The following MSI2 variants were observed in gnomAD, a reference collection of about 807,000 sequenced individuals.
The protein encoded by MSI2 is musashi RNA binding protein 2.
A neutral mutation model predicts 45.6 loss-of-function variants in MSI2; 17 were observed. The ratio of observed to expected loss-of-function variants is 0.37; its 90% CI spans 0.26 to 0.56. MSI2 has a LOEUF of 0.56. Ranked by LOEUF, MSI2 falls within the 20% of genes least tolerant of loss-of-function variation. The pLI is 0.77. For synonymous variants in MSI2, 156 were observed against 158.2 expected, an observed-to-expected ratio of 0.99 and a Z score of 0.11; for missense variants, 293 against 444.2, an observed-to-expected ratio of 0.66 and a Z score of 3.06.
chr17:57,575,862 G>A (rs866125329), intron 7 of MSI2, among the ~76,000 whole-genome samples: 5 of 148,542 alleles, frequency 3.4e-5, no homozygotes, highest in African/African-American at 9.9e-5. Flanking sequence ...GGAGAATGGC[G>A]TGAATCCAGG....
intron 5 of MSI2, among the ~76,000 whole-genome samples, chr17:57,277,161 T>G (rs1290570260): frequency 1.3e-5 from 2 of 151,518 alleles, no homozygotes; most frequent in African/African-American, 4.9e-5. Context: ...GTTCAAGTGA[T>G]TCTCTTGCCT....
At chr17:57,521,562 A>G (rs2086584860) in intron 6 of MSI2, among the ~76,000 whole-genome samples, 1 of 152,208 alleles carries the variant, frequency 6.6e-6, no homozygotes, top group African/African-American at 2.4e-5. Flanking sequence ...AGGATGAGGC[A>G]AGGAGTGCCT....
intron 6 of MSI2, among the ~76,000 whole-genome samples, chr17:57,435,042 A>C (rs1016327481): frequency 6.6e-6 from 1 of 152,228 alleles, no homozygotes; most frequent in Non-Finnish European, 1.5e-5. Context: ...TCTCTTTGCT[A>C]TGAAGAAAAT....
intron 5 of MSI2, among the ~76,000 whole-genome samples, chr17:57,336,913 T>C (rs572857583): frequency 6.6e-6 from 1 of 152,202 alleles, no homozygotes; most frequent in African/African-American, 2.4e-5. Flanking sequence ...GGGTCTCTCA[T>C]GTGGTTGAAG....
intron 5 of MSI2, among the ~76,000 whole-genome samples, chr17:57,345,495 T>A (rs1915525483): frequency 6.6e-6 from 1 of 152,204 alleles, no homozygotes; most frequent in African/African-American, 2.4e-5. Context: ...TAAGAGGTAG[T>A]GTAGCATATA....
intron 6 of MSI2, among the ~76,000 whole-genome samples, chr17:57,513,346 C>G (rs751319904): frequency 9.9e-5 from 15 of 152,126 alleles, no homozygotes; most frequent in Non-Finnish European, 1.9e-4. Context: ...AACAGAGGCA[C>G]AGAAAGGTTG....
Position 57,257,447 on chromosome 17 carries a change from T to C in MSI2, c.104-19T>C, listed in dbSNP as rs201712601. The C allele has an allele frequency of 5.9e-6, 7 of 1,192,746 alleles. No homozygotes were observed. In the African/African-American group the frequency reaches 9.9e-5, roughly 17 times the overall value. 73.9% of individuals were successfully genotyped at this position (1,192,746 alleles called of 1,614,324 possible). On this transcript the variant is annotated intron_variant, in intron 2 of 13. Coordinates refer to ENST00000284073, the MANE Select transcript of MSI2 (RefSeq NM_138962.4). The stretch of plus-strand genomic sequence containing the variant: ...ACACCTTCTCTCCCCCCCCCATCTC[T>C]CTCTTTCTCTCTCTACAGATAGCCT...
intron 5 of MSI2, chr17:57,267,004 C>G (rs556963016): frequency 6.6e-6 from 1 of 152,382 alleles, no homozygotes; most frequent in African/African-American, 2.4e-5. Context: ...AGCGTGTACA[C>G]GCACACCTCC....
chr17:57,340,764 A>G (rs1320157198), intron 5 of MSI2, among the ~76,000 whole-genome samples: 1 of 152,006 alleles, frequency 6.6e-6, no homozygotes, highest in Admixed American at 6.6e-5. Context: ...TAGACATGGG[A>G]TTGGGCCATG....
chr17:57,590,297 TTCTC>T (rs1427867880), intron 7 of MSI2, among the ~76,000 whole-genome samples: 1 of 152,222 alleles, frequency 6.6e-6, no homozygotes, highest in Non-Finnish European at 1.5e-5. Flanking sequence ...GTTCCCATCT[TTCTC>T]TCTCTGACCT....
intron 5 of MSI2, chr17:57,278,506 A>G (rs760840383): frequency 2.0e-5 from 3 of 152,210 alleles, no homozygotes; most frequent in Non-Finnish European, 4.4e-5. Context: ...TACTATCTGA[A>G]TTTAAAAGCC....
At chr17:57,661,239 A>T (rs953137481) in intron 11 of MSI2, among the ~76,000 whole-genome samples, 2 of 152,176 alleles carry the variant, frequency 1.3e-5, no homozygotes, top group African/African-American at 4.8e-5. Flanking sequence ...GGACAAAAGT[A>T]CACAACCGAT....
intron 5 of MSI2, among the ~76,000 whole-genome samples, chr17:57,354,288 G>C (rs2038738593): frequency 6.6e-6 from 1 of 152,182 alleles, no homozygotes; most frequent in Non-Finnish European, 1.5e-5. Flanking sequence ...GGTGTGGAAA[G>C]TGTAAGGACG....
intron 6 of MSI2, among the ~76,000 whole-genome samples, chr17:57,453,056 T>C (rs1242563539): frequency 1.4e-5 from 2 of 147,030 alleles, no homozygotes; most frequent in Non-Finnish European, 3.0e-5. Flanking sequence ...CCCAGATGAG[T>C]ACAGTGGTGC....
At chr17:57,497,395 C>T (rs182613088) in intron 6 of MSI2, among the ~76,000 whole-genome samples, 1 of 152,202 alleles carries the variant, frequency 6.6e-6, no homozygotes, top group Non-Finnish European at 1.5e-5. Flanking sequence ...GGAAAGGGAA[C>T]AGGACTTTGG....
intron 5 of MSI2, among the ~76,000 whole-genome samples, chr17:57,302,423 A>G (rs1911489220): frequency 1.3e-5 from 2 of 152,140 alleles, no homozygotes; most frequent in Admixed American, 1.3e-4. Flanking sequence ...AGTTATTTTG[A>G]AATGCACAAT....
intron 6 of MSI2, among the ~76,000 whole-genome samples, chr17:57,469,191 G>A (rs540167011): frequency 2.3e-4 from 35 of 152,146 alleles, no homozygotes; most frequent in Non-Finnish European, 3.1e-4. Context: ...AGAAGTCCTC[G>A]ACTTCTGCCT....
chr17:57,578,646 A>G (rs888858915), intron 7 of MSI2, among the ~76,000 whole-genome samples: 1 of 152,150 alleles, frequency 6.6e-6, no homozygotes, highest in Non-Finnish European at 1.5e-5. Context: ...AGTAAAAACA[A>G]GAGAGACTCC....
chr17:57,426,601 G>A (rs1000460493), intron 6 of MSI2, among the ~76,000 whole-genome samples: 6 of 152,150 alleles, frequency 3.9e-5, no homozygotes, highest in African/African-American at 1.4e-4. Flanking sequence ...TTTTCATTCA[G>A]TAGTAAATGG....
Sources: allele counts gnomAD v4.1 joint callset (sites outside exome capture counted in the v4.1 genomes callset), GRCh38; gene constraint gnomAD v4.1.1; transcripts MANE v1.5; gene names NCBI Gene and HGNC (gene_info 2026-07-23, HGNC 2026-07-21).